LOC128462377: variants seen among roughly 807,000 people sequenced by gnomAD.
chr16:89,381,245 T>C, the LOC128462377 span, among the ~76,000 whole-genome samples: 15 of 150,510 alleles, frequency 1.0e-4, no homozygotes, highest in African/African-American at 3.7e-4. Flanking sequence ...GGCAGGAGAA[T>C]TGCTTGAACC....
At chr16:89,367,328 T>TGA in the LOC128462377 span, among the ~76,000 whole-genome samples, 1 of 152,228 alleles carries the variant, frequency 6.6e-6, no homozygotes, top group African/African-American at 2.4e-5. Context: ...CCCCTCCTCC[T>TGA]GAGCACAGTG....
the LOC128462377 span, among the ~76,000 whole-genome samples, chr16:89,383,115 G>C: frequency 6.6e-6 from 1 of 152,242 alleles, no homozygotes; most frequent in African/African-American, 2.4e-5. Context: ...TAAAAGCTGG[G>C]TGTGCTGGCT....
the LOC128462377 span, among the ~76,000 whole-genome samples, chr16:89,331,671 A>T: frequency 6.6e-6 from 1 of 152,208 alleles, no homozygotes; most frequent in African/African-American, 2.4e-5. Context: ...CCCAGGCTGC[A>T]GTGTAATTAA....
chr16:89,376,490 T>G, the LOC128462377 span, among the ~76,000 whole-genome samples: 2 of 152,244 alleles, frequency 1.3e-5, no homozygotes, highest in East Asian at 1.9e-4. Context: ...CAGGCTGGAG[T>G]GCAGTGGCAT....
the LOC128462377 span, among the ~76,000 whole-genome samples, chr16:89,415,472 G>T: frequency 1.2e-4 from 17 of 147,536 alleles, no homozygotes; most frequent in South Asian, 2.4e-3. Context: ...CACCGTGTTA[G>T]CCAGGATGGT....
At chr16:89,318,896 C>G in the LOC128462377 span, among the ~76,000 whole-genome samples, 5,316 of 152,242 alleles carry the variant, frequency 0.035, 328 homozygotes, top group African/African-American at 0.12. Context: ...TGAGGCCAGA[C>G]ATATTTTCTC....
At chr16:89,350,302 C>T in the LOC128462377 span, among the ~76,000 whole-genome samples, 10 of 152,320 alleles carry the variant, frequency 6.6e-5, no homozygotes, top group Non-Finnish European at 1.5e-4. Flanking sequence ...ATTCATGTAA[C>T]ATGTGACCGA....
chr16:89,347,289 T>C, the LOC128462377 span, among the ~76,000 whole-genome samples: 1 of 152,162 alleles, frequency 6.6e-6, no homozygotes, highest in Non-Finnish European at 1.5e-5. Context: ...TACCTGTATG[T>C]GTGTACGTGA....
At chr16:89,339,071 G>T in the LOC128462377 span, among the ~76,000 whole-genome samples, 1 of 152,150 alleles carries the variant, frequency 6.6e-6, no homozygotes, top group Non-Finnish European at 1.5e-5. Context: ...GAGGACAGAC[G>T]TCCTGGGTAA....
At chr16:89,361,048 A>G in the LOC128462377 span, among the ~76,000 whole-genome samples, 1 of 152,178 alleles carries the variant, frequency 6.6e-6, no homozygotes, top group Non-Finnish European at 1.5e-5. Flanking sequence ...CCTGGGCTCC[A>G]GGATCAGCCC....
the LOC128462377 span, chr16:89,323,392 G>A: frequency 4.0e-6 from 5 of 1,260,282 alleles, no homozygotes; most frequent in East Asian, 2.3e-4. Flanking sequence ...GGCAAGGGGA[G>A]AGCAAGCAGC....
chr16:89,359,045 C>A, the LOC128462377 span, among the ~76,000 whole-genome samples: 8 of 152,112 alleles, frequency 5.3e-5, no homozygotes, highest in East Asian at 1.5e-3. Context: ...ATGTCTAAAT[C>A]GTCAGTATTA....
chr16:89,409,908 C>G, the LOC128462377 span, among the ~76,000 whole-genome samples: 3 of 152,052 alleles, frequency 2.0e-5, no homozygotes, highest in Non-Finnish European at 2.9e-5. Flanking sequence ...GGCACAATCT[C>G]AACTCACTGC....
the LOC128462377 span, among the ~76,000 whole-genome samples, chr16:89,327,911 T>C: frequency 6.6e-6 from 1 of 152,242 alleles, no homozygotes; most frequent in Non-Finnish European, 1.5e-5. Flanking sequence ...TAAAAACTTT[T>C]GCTCTTTGAA....
At chr16:89,396,437 C>G in the LOC128462377 span, among the ~76,000 whole-genome samples, 1 of 152,274 alleles carries the variant, frequency 6.6e-6, no homozygotes, top group East Asian at 1.9e-4. Context: ...GAAACGCTCA[C>G]AGCACAAACA....
the LOC128462377 span, among the ~76,000 whole-genome samples, chr16:89,346,250 G>GAA: frequency 4.7e-3 from 452 of 96,754 alleles, 3 homozygotes; most frequent in Middle Eastern, 0.024. Flanking sequence ...CCCGTCTCAG[G>GAA]AAAAAAAAAA....
the LOC128462377 span, among the ~76,000 whole-genome samples, chr16:89,391,316 G>C: frequency 9.9e-5 from 15 of 152,208 alleles, no homozygotes; most frequent in African/African-American, 3.6e-4. Flanking sequence ...CACAGCCACA[G>C]GAACCCAGGG....
the LOC128462377 span, among the ~76,000 whole-genome samples, chr16:89,374,469 T>C: frequency 1.3e-5 from 2 of 152,096 alleles, no homozygotes; most frequent in Non-Finnish European, 2.9e-5. Context: ...ATACCACTAA[T>C]CGGCCCAGTA....
At chr16:89,325,435 C>G in the LOC128462377 span, among the ~76,000 whole-genome samples, 3 of 135,636 alleles carry the variant, frequency 2.2e-5, no homozygotes, top group Non-Finnish European at 4.6e-5. Context: ...CAGACCCTCT[C>G]CCCTCTCCCC....
Sources: allele counts gnomAD v4.1 joint callset (sites outside exome capture counted in the v4.1 genomes callset), GRCh38; gene constraint gnomAD v4.1.1; transcripts MANE v1.5.